NHLRC3: variants seen among roughly 807,000 people sequenced by gnomAD.
The protein encoded by NHLRC3 is NHL repeat-containing protein 3.
NHLRC3 carries 23 observed loss-of-function variants against 32.0 expected under a neutral mutation model. The observed-to-expected ratio is 0.72, with a 90% CI of 0.52 to 1.02. The LOEUF (loss-of-function observed/expected upper bound fraction) is 1.02, where lower values mean the gene tolerates loss of function less well. NHLRC3 is among the 50% of genes least tolerant of loss of function. The pLI is 0.00. For synonymous variants in NHLRC3, 159 were observed against 147.9 expected, an observed-to-expected ratio of 1.08 and a Z score of -0.55; for missense variants, 407 against 406.8, an observed-to-expected ratio of 1.00 and a Z score of -0.01.
Position 39,042,192 on chromosome 13 carries a change from T to G in NHLRC3, c.473T>G (p.Leu158Trp). The change falls in exon 4 of 7, where the codon TTG becomes TGG. Residue 158 changes from leucine (L) to tryptophan (W), a missense_variant. Leu to Trp is a moderately conservative substitution (Grantham distance 61, BLOSUM62 -2). Transcript: ENST00000379600. Reference sequence around the variant, plus strand: ...ACTCCAGGCAAAAAAGGCACTAGTTTGAATCCTTTGCAGTTTGATAACCCA... The same window carrying G: ...ACTCCAGGCAAAAAAGGCACTAGTTGGAATCCTTTGCAGTTTGATAACCCA... ...LGTPGKKGTS[L>W]NPLQFDNPAE... is the part of the protein sequence containing the mutation. 2 of 1,611,750 alleles carry G rather than the reference T, an allele frequency of 1.2e-6. No individual in the cohort carries two copies. The highest frequency in any genetic ancestry group is 2.2e-5 in the South Asian group (2 of 91,016).
chr13:39,038,902 C>G, intron 1 of NHLRC3, 179 bp downstream of exon 1: 1 of 652,656 alleles, frequency 1.5e-6, no homozygotes, highest in South Asian at 1.9e-5. Flanking sequence ...TATGTTACAT[C>G]GCCATTTTCC....
rs996763149 is a variant in NHLRC3, at chr13:39,049,478, G to A, written c.*1552G>A. 77 of 152,216 alleles carry A rather than the reference G, an allele frequency of 5.1e-4. No individual in the cohort carries two copies. Among genetic ancestry groups the A allele is most frequent in the African/African-American group, 1.7e-3 (72 of 41,438 alleles). The allele number at this position is 152,216 out of a possible 1,614,324, so 9.4% of individuals were successfully genotyped here. On this transcript the variant is annotated 3_prime_UTR_variant, in exon 7 of 7. Transcript: ENST00000379600. ...TGCTGTGAGAATCAGATGTGCAACA[G>A]GTACAGACTTGCCCTTTGAAATCTA...
chr13:39,044,171 C>G lies in NHLRC3; in HGVS notation c.668C>G (p.Ser223Ter), dbSNP rs773708892. The change falls in exon 5 of 7, where the codon TCA (serine) becomes TGA (stop). Residue 223 changes from serine (S) to a stop codon, truncating the protein, a stop_gained. Coordinates refer to ENST00000379600, the MANE Select transcript of NHLRC3 (RefSeq NM_001012754.4). LOFTEE classifies it high-confidence loss of function. Reference sequence around the variant, plus strand: ...ATACCTCACAGTGTTACACTTGATTCAGCTGGTCGGGTACAAATACAGCGT... The same window carrying G: ...ATACCTCACAGTGTTACACTTGATTGAGCTGGTCGGGTACAAATACAGCGT... ...FNIPHSVTLD[S>*]AGRVWVADRG... The G allele has an allele frequency of 6.2e-7, 1 of 1,610,538 alleles. No individual in the cohort carries two copies. Among genetic ancestry groups the G allele is most frequent in the Non-Finnish European group, 8.5e-7 (1 of 1,177,066 alleles).
Position 39,050,032 on chromosome 13 carries a change from A to G in NHLRC3, c.*2106A>G, listed in dbSNP as rs1468307080. The G allele has an allele frequency of 6.6e-6, 1 of 152,250 alleles. No homozygotes were observed. The highest frequency in any genetic ancestry group is 1.5e-5 in the Non-Finnish European group (1 of 68,040). 9.4% of individuals were successfully genotyped at this position (152,250 alleles called of 1,614,324 possible). A position where few individuals can be genotyped will look rare whatever the true frequency, so the allele number is the denominator to read the frequency against. On this transcript the variant is annotated 3_prime_UTR_variant, in exon 7 of 7. Coordinates refer to ENST00000379600, the MANE Select transcript of NHLRC3 (RefSeq NM_001012754.4). ...AAATGTGTTATGTTTTTTACTAAAA[A>G]GTATAAATTAAAATTTTGGAAAGAA...
chr13:39,046,796 CAG>C lies in NHLRC3; in HGVS notation c.679-241_679-240del, dbSNP rs568943472. ...TTATTCACACATTTAGAACAGTAGA[CAG>C]AGTATTATAAGCTTTGGGTTAAGAC... On this transcript the variant is annotated intron_variant, in intron 5 of 6. Transcript: ENST00000379600. 3.0e-3 allele frequency among the ~76,000 whole-genome samples: 462 copies of C among 152,308 alleles called. 3 individuals carry two copies. Among genetic ancestry groups the C allele is most frequent in the African/African-American group, 0.011 (438 of 41,560 alleles).
chr13:39,047,054 C>T lies in NHLRC3; in HGVS notation c.693C>T (p.Asp231=). 1 of 1,609,278 alleles carries T rather than the reference C, an allele frequency of 6.2e-7. No homozygotes were observed. Among genetic ancestry groups the T allele is most frequent in the East Asian group, 2.2e-5 (1 of 44,780 alleles). Residue 231 remains aspartate (D), a synonymous_variant, in exon 6 of 7, where the codon GAC becomes GAT. Transcript: ENST00000379600. Reference sequence around the variant, plus strand: ...GTGTTTCTCAGGTGTGGGTTGCTGACCGAGGAAATAAAAGAATCCAAGTAT... The same window carrying T: ...GTGTTTCTCAGGTGTGGGTTGCTGATCGAGGAAATAAAAGAATCCAAGTAT... ...LDSAGRVWVA[D]RGNKRIQVFD... is the part of the protein sequence containing the mutation.
Position 39,044,175 on chromosome 13 carries a change from T to C in NHLRC3, c.672T>C (p.Ala224=), listed in dbSNP as rs766740818. 4 of 1,610,014 alleles carry C rather than the reference T, an allele frequency of 2.5e-6. No individual in the cohort carries two copies. Among genetic ancestry groups the C allele is most frequent in the East Asian group, 4.5e-5 (2 of 44,866 alleles). The change falls in exon 5 of 7, where the codon GCT becomes GCC. Residue 224 remains alanine, a synonymous_variant. Transcript: ENST00000379600. ...CTCACAGTGTTACACTTGATTCAGC[T>C]GGTCGGGTACAAATACAGCGTCATT... ...NIPHSVTLDS[A]GRVWVADRGN... is the part of the protein sequence containing the mutation.
At chr13:39,042,942 A>G (rs1441892418) in intron 4 of NHLRC3, among the ~76,000 whole-genome samples, 3 of 152,176 alleles carry the variant, frequency 2.0e-5, no homozygotes, top group African/African-American at 4.8e-5. Context: ...GAAGGTGAAG[A>G]TGCACTTTTT....
intron 1 of NHLRC3, 198 bp from the exon 2 acceptor site, chr13:39,038,938 C>T: frequency 1.6e-6 from 1 of 635,500 alleles, no homozygotes; most frequent in Admixed American, 2.9e-5. Context: ...ACTACATCCT[C>T]AAATAATTTG....
chr13:39,039,062 A>AACCCGCCCCCCCC, intron 1 of NHLRC3, 74 bp from the exon 2 acceptor site: 2 of 523,988 alleles, frequency 3.8e-6, no homozygotes, highest in Non-Finnish European at 3.7e-6. Flanking sequence ...AAGCCCTGTT[A>AACCCGCCCCCCCC]CCCGGCCCCC....
Position 39,039,143 on chromosome 13 carries a change from G to A in NHLRC3, c.92G>A (p.Arg31Lys), listed in dbSNP as rs1871341867. 6.5e-7 allele frequency: 1 copy of A among 1,541,580 alleles called. No individual in the cohort carries two copies. The highest frequency in any genetic ancestry group is 8.8e-7 in the Non-Finnish European group (1 of 1,134,046). ...TGTCTGATTTTGTTTAAGGTTTTGA[G>A]GAACTTTACTTTTGCAGTTTCCTGG... ...HSRFCGSPVL[R>K]NFTFAVSWRT... Residue 31 changes from arginine to lysine, a missense_variant, in exon 2 of 7, where the codon AGG becomes AAG. Transcript: ENST00000379600.
chr13:39,042,447 A>G (rs748331875), intron 4 of NHLRC3, 142 bp downstream of exon 4: 28 of 571,568 alleles, frequency 4.9e-5, no homozygotes, highest in Non-Finnish European at 7.9e-5. Context: ...TGAAAAACAG[A>G]TGGGTATGAT....
At chr13:39,039,433 A>G in intron 2 of NHLRC3, 131 bp from the exon 3 acceptor site, 1 of 1,110,294 alleles carries the variant, frequency 9.0e-7, no homozygotes, top group Non-Finnish European at 1.3e-6. Flanking sequence ...TTGGTTTCGA[A>G]TGTGAAAGAT....
Position 39,044,313 on chromosome 13 carries a change from A to AT in NHLRC3, c.678+133dup, listed in dbSNP as rs1316844812. ...TTGTGGTATACATGTGTGTCTGGGCATGTGGATACATGTGTGTTAGTGGGT... is the reference window on the plus strand; with the variant it reads ...TTGTGGTATACATGTGTGTCTGGGCATTGTGGATACATGTGTGTTAGTGGGT... On this transcript the variant is annotated intron_variant, in intron 5 of 6. Transcript: ENST00000379600. 4 of 682,936 alleles carry AT rather than the reference A, an allele frequency of 5.9e-6. No homozygotes were observed. In the African/African-American group the frequency reaches 7.1e-5, roughly 12 times the overall value. 42.3% of individuals were successfully genotyped at this position (682,936 alleles called of 1,614,324 possible).
rs752997317 is a variant in NHLRC3, at chr13:39,039,619, G to A, written c.293G>A (p.Arg98Gln). The change falls in exon 3 of 7, where the codon CGA (arginine) becomes CAA (glutamine). Residue 98 changes from arginine to glutamine, a missense_variant. Arg to Gln is a conservative substitution (Grantham distance 43). Coordinates refer to ENST00000379600, the MANE Select transcript of NHLRC3 (RefSeq NM_001012754.4). ...TTCACAGAGGATGGATATTTCCTAC[G>A]AGCCTGGAATTATACAGTTGACACA... Reference protein sequence around the residue: ...LVFTEDGYFLRAWNYTVDTPH... With the variant: ...LVFTEDGYFLQAWNYTVDTPH... The A allele has an allele frequency of 1.9e-6, 3 of 1,610,658 alleles. No individual in the cohort carries two copies. Among genetic ancestry groups the A allele is most frequent in the Non-Finnish European group, 2.5e-6 (3 of 1,177,024 alleles).
In NHLRC3 at chr13:39,039,727, T is replaced by C; in HGVS notation, c.385+16T>C. On this transcript the variant is annotated intron_variant, in intron 3 of 6. Transcript: ENST00000379600. ...GTAGGAAGTGGTATGTATAGTAATA[T>C]CTATTAAATTATCTTACTGGAAATC... is the stretch of plus-strand genomic sequence containing the variant. 1.3e-6 allele frequency: 2 copies of C among 1,571,452 alleles called. No homozygotes were observed. The highest frequency in any genetic ancestry group is 8.7e-7 in the Non-Finnish European group (1 of 1,147,980).
At chr13:39,045,176 G>A (rs1871621202) in intron 5 of NHLRC3, among the ~76,000 whole-genome samples, 1 of 152,124 alleles carries the variant, frequency 6.6e-6, no homozygotes, top group Non-Finnish European at 1.5e-5. Context: ...AAATGAGAAT[G>A]TTTTGATCAT....
intron 4 of NHLRC3, among the ~76,000 whole-genome samples, chr13:39,043,738 A>T (rs1284344118): frequency 6.6e-6 from 1 of 152,198 alleles, no homozygotes; most frequent in African/African-American, 2.4e-5. Flanking sequence ...CATAATGTGA[A>T]TTTTTAAGGT....
chr13:39,039,557 C>G lies in NHLRC3; in HGVS notation c.238-7C>G, dbSNP rs181389758. 1 of 1,604,702 alleles carries G rather than the reference C, an allele frequency of 6.2e-7. No homozygotes were observed. The highest frequency in any genetic ancestry group is 1.1e-5 in the South Asian group (1 of 90,770). ...ATCCTAAGAAGTTATTTTTTGTATA[C>G]CTTCAGAGAGGGGATAACATCCCAA... On this transcript the variant is annotated splice_polypyrimidine_tract_variant and splice_region_variant and intron_variant, in intron 2 of 6. Coordinates refer to ENST00000379600, the MANE Select transcript of NHLRC3 (RefSeq NM_001012754.4).
Sources: allele counts gnomAD v4.1 joint callset (sites outside exome capture counted in the v4.1 genomes callset), GRCh38; gene constraint gnomAD v4.1.1; transcripts MANE v1.5; gene names NCBI Gene and HGNC (gene_info 2026-07-23, HGNC 2026-07-21).